EHBP1: variants seen among roughly 807,000 people sequenced by gnomAD.
EHBP1 encodes the protein EH domain-binding protein 1.
In EHBP1, 55 loss-of-function variants were observed where a neutral mutation model predicts 144.0. The ratio of observed to expected loss-of-function variants is 0.38; its 90% CI spans 0.31 to 0.48. The LOEUF (loss-of-function observed/expected upper bound fraction) is 0.48. EHBP1 is among the 20% of genes least tolerant of loss of function. The probability of loss-of-function intolerance (pLI) is 0.98; values close to 1 mark genes in which losing one functional copy is unlikely to be tolerated. For synonymous variants in EHBP1, 469 were observed against 472.7 expected (o/e 0.99, Z 0.10); for missense variants, 1,200 against 1,364.2 (o/e 0.88, Z 1.90).
At chr2:62,898,895 T>C (rs1031620327) in intron 10 of EHBP1, among the ~76,000 whole-genome samples, 2 of 152,194 alleles carry the variant, frequency 1.3e-5, no homozygotes, top group Non-Finnish European at 2.9e-5. Context: ...TGGTTTTAGA[T>C]AGACTAAGTT....
At chr2:62,922,122 C>T (rs902640851) in intron 10 of EHBP1, among the ~76,000 whole-genome samples, 2 of 152,064 alleles carry the variant, frequency 1.3e-5, no homozygotes, top group East Asian at 1.9e-4. Flanking sequence ...TTGCAGTGAG[C>T]GGAGATCGCA....
chr2:62,957,772 A>C (rs1370320312), intron 14 of EHBP1, among the ~76,000 whole-genome samples: 3 of 148,686 alleles, frequency 2.0e-5, no homozygotes, highest in Non-Finnish European at 4.4e-5. Flanking sequence ...CAGCTTCCCA[A>C]GTAGCTGGGA....
chr2:62,876,812 C>CT (rs1402152971), intron 10 of EHBP1, among the ~76,000 whole-genome samples: 1 of 152,102 alleles, frequency 6.6e-6, no homozygotes, highest in Non-Finnish European at 1.5e-5. Context: ...GGAAACCTGC[C>CT]CCATGATCCA....
chr2:62,774,228 A>G (rs1374278934), intron 5 of EHBP1, among the ~76,000 whole-genome samples: 2 of 151,902 alleles, frequency 1.3e-5, no homozygotes, highest in South Asian at 4.1e-4. Flanking sequence ...AAAATTAGCC[A>G]GGTATGGTGG....
intron 1 of EHBP1, among the ~76,000 whole-genome samples, chr2:62,697,128 A>C (rs2034127473): frequency 6.6e-6 from 1 of 152,248 alleles, no homozygotes; most frequent in Admixed American, 6.5e-5. Flanking sequence ...AACAGGTTGC[A>C]GATCATTTCT....
Position 62,922,479 on chromosome 2 carries a change from G to A in EHBP1, c.1186-20239G>A, listed in dbSNP as rs1026132314. On this transcript the variant is annotated intron_variant, in intron 10 of 22. Transcript: ENST00000431489. ...ACTTTGTATCCAAAGACACAAATAC[G>A]TTGAAAGTGAAAAGACAGAAAAGAA... is the stretch of plus-strand genomic sequence containing the variant. 2.0e-5 allele frequency among the ~76,000 whole-genome samples: 3 copies of A among 152,144 alleles called. 1 individual carries two copies. The highest frequency in any genetic ancestry group is 2.9e-5 in the Non-Finnish European group (2 of 68,026).
intron 2 of EHBP1, among the ~76,000 whole-genome samples, chr2:62,724,976 G>A (rs974120079): frequency 6.6e-6 from 1 of 152,142 alleles, no homozygotes; most frequent in Non-Finnish European, 1.5e-5. Context: ...ATAAAGATTG[G>A]GGACTGCTGA....
intron 1 of EHBP1, among the ~76,000 whole-genome samples, chr2:62,686,045 T>C (rs1349730053): frequency 1.3e-5 from 2 of 152,224 alleles, no homozygotes; most frequent in African/African-American, 2.4e-5. Context: ...ATTTCTCTTT[T>C]CTGAGGGAGA....
chr2:62,785,828 C>T (rs963290622), intron 5 of EHBP1, among the ~76,000 whole-genome samples: 1 of 152,070 alleles, frequency 6.6e-6, no homozygotes, highest in Admixed American at 6.5e-5. Context: ...AATACCATTC[C>T]AGTCTTTTCC....
intron 10 of EHBP1, among the ~76,000 whole-genome samples, chr2:62,892,284 C>G (rs1292082421): frequency 6.6e-6 from 1 of 152,090 alleles, no homozygotes; most frequent in Non-Finnish European, 1.5e-5. Flanking sequence ...TTAGATTATA[C>G]TGTAGCTAGG....
At chr2:63,018,217 G>T (rs1301561293) in intron 19 of EHBP1, among the ~76,000 whole-genome samples, 1 of 152,026 alleles carries the variant, frequency 6.6e-6, no homozygotes, top group Non-Finnish European at 1.5e-5. Flanking sequence ...TAGTACTTTT[G>T]TTTTTTACTT....
chr2:63,030,123 T>C (rs1241148108), intron 19 of EHBP1, among the ~76,000 whole-genome samples: 22 of 152,240 alleles, frequency 1.4e-4, no homozygotes, highest in Admixed American at 1.4e-3. Flanking sequence ...CTATAGATAC[T>C]ATGTAATTAT....
At position 63,038,883 on chromosome 2, in the gene EHBP1, A is replaced by T. The variant is rs1244465868; in HGVS notation, c.3277+67A>T. ...TTGTCAAAGAGATTTAAAGAATATAATACACTTCTGGTCTTACTAGATCTG... is the reference window on the plus strand; with the variant it reads ...TTGTCAAAGAGATTTAAAGAATATATTACACTTCTGGTCTTACTAGATCTG... On this transcript the variant is annotated intron_variant, in intron 21 of 22. Transcript: ENST00000431489. 2.1e-6 allele frequency: 3 copies of T among 1,449,484 alleles called. No individual in the cohort carries two copies. The African/African-American group carries it at 4.2e-5, about 20-fold the overall frequency. 89.8% of individuals were successfully genotyped at this position (1,449,484 alleles called of 1,614,324 possible).
intron 8 of EHBP1, among the ~76,000 whole-genome samples, chr2:62,863,534 GTAT>G (rs1208631172): frequency 2.6e-5 from 4 of 152,106 alleles, no homozygotes; most frequent in African/African-American, 9.7e-5. Flanking sequence ...CAGCTTACCA[GTAT>G]TATTATAGTG....
At chr2:62,924,434 T>G (rs1206758361) in intron 10 of EHBP1, among the ~76,000 whole-genome samples, 1 of 152,146 alleles carries the variant, frequency 6.6e-6, no homozygotes, top group Non-Finnish European at 1.5e-5. Context: ...AAAGTTGATT[T>G]TTTGAAAAGA....
chr2:62,903,472 A>G (rs762146205), intron 10 of EHBP1, among the ~76,000 whole-genome samples: 1 of 152,214 alleles, frequency 6.6e-6, no homozygotes, highest in Non-Finnish European at 1.5e-5. Context: ...ACCTAAACAT[A>G]CTGAGTCAGG....
At chr2:62,972,285 A>G (rs1049568134) in intron 14 of EHBP1, among the ~76,000 whole-genome samples, 2 of 152,178 alleles carry the variant, frequency 1.3e-5, no homozygotes, top group African/African-American at 4.8e-5. Context: ...TTTGTGCTGA[A>G]CGCTATACAG....
At chr2:62,816,892 G>C (rs1242678430) in intron 5 of EHBP1, among the ~76,000 whole-genome samples, 4 of 152,022 alleles carry the variant, frequency 2.6e-5, no homozygotes, top group African/African-American at 9.7e-5. Context: ...CACACCCAGG[G>C]TCCCTTCTAC....
intron 15 of EHBP1, among the ~76,000 whole-genome samples, chr2:62,989,034 C>T (rs1273528557): frequency 2.6e-5 from 4 of 151,956 alleles, no homozygotes; most frequent in South Asian, 2.1e-4. Flanking sequence ...CCTTCATGGC[C>T]GGGTGTTAAA....
Sources: allele counts gnomAD v4.1 joint callset (sites outside exome capture counted in the v4.1 genomes callset), GRCh38; gene constraint gnomAD v4.1.1; transcripts MANE v1.5; gene names NCBI Gene and HGNC (gene_info 2026-07-23, HGNC 2026-07-21).